ADAMTSL3: variants seen among roughly 807,000 people sequenced by gnomAD.
ADAMTSL3 encodes the protein ADAMTS-like protein 3.
Under a neutral mutation model 201.7 loss-of-function variants are expected in ADAMTSL3, and 128 were observed. That is an observed-to-expected ratio of 0.63 (90% confidence interval 0.55 to 0.73). The LOEUF (loss-of-function observed/expected upper bound fraction) is 0.73. Among genes scored for constraint, ADAMTSL3 ranks in the 30% least tolerant of loss-of-function variants. The pLI, the probability that ADAMTSL3 is intolerant of heterozygous loss-of-function variation, is 0.00. For missense variants in ADAMTSL3, 1,990 were observed against 2,119.6 expected (o/e 0.94, Z 1.20); for synonymous variants, 738 against 748.4 (o/e 0.99, Z 0.23).
At chr15:83,770,676 A>G (rs2062967650) in intron 3 of ADAMTSL3, among the ~76,000 whole-genome samples, 1 of 152,178 alleles carries the variant, frequency 6.6e-6, no homozygotes, top group Non-Finnish European at 1.5e-5. Flanking sequence ...AATCTATAAT[A>G]TTTCTAATAT....
chr15:83,802,292 T>G (rs1172210709), intron 4 of ADAMTSL3, among the ~76,000 whole-genome samples: 2 of 152,106 alleles, frequency 1.3e-5, no homozygotes, highest in Non-Finnish European at 2.9e-5. Flanking sequence ...AATGAAAACC[T>G]AAAGATGTTT....
intron 23 of ADAMTSL3, among the ~76,000 whole-genome samples, chr15:83,997,280 T>G (rs1009607242): frequency 3.3e-5 from 5 of 152,176 alleles, no homozygotes; most frequent in African/African-American, 1.2e-4. Context: ...GCTGTAATCC[T>G]TTATTGCTTA....
chr15:83,955,863 A>G (rs561044084), intron 19 of ADAMTSL3, among the ~76,000 whole-genome samples: 13 of 152,016 alleles, frequency 8.6e-5, no homozygotes, highest in African/African-American at 3.1e-4. Context: ...TTTCATTGCT[A>G]CAAGCTGTGC....
chr15:83,974,745 G>A (rs928954027), intron 20 of ADAMTSL3, among the ~76,000 whole-genome samples: 8 of 152,208 alleles, frequency 5.3e-5, no homozygotes, highest in Non-Finnish European at 7.3e-5. Context: ...AAGGATAACA[G>A]AAATATGTAG....
At chr15:83,987,667 C>G (rs2067504180) in intron 21 of ADAMTSL3, among the ~76,000 whole-genome samples, 1 of 152,120 alleles carries the variant, frequency 6.6e-6, no homozygotes, top group Admixed American at 6.5e-5. Context: ...AAGTGAACAA[C>G]ATATGCAAAA....
At chr15:83,999,622 A>G (rs540703859) in intron 23 of ADAMTSL3, among the ~76,000 whole-genome samples, 1 of 152,316 alleles carries the variant, frequency 6.6e-6, no homozygotes, top group African/African-American at 2.4e-5. Flanking sequence ...GTGCATGCAC[A>G]AACAAATGAT....
intron 26 of ADAMTSL3, among the ~76,000 whole-genome samples, chr15:84,024,547 A>G (rs1346548209): frequency 1.3e-5 from 2 of 152,232 alleles, no homozygotes; most frequent in Non-Finnish European, 2.9e-5. Flanking sequence ...CCATCCAAGT[A>G]TGTGGTTTCC....
In ADAMTSL3 at chr15:83,707,100, G is replaced by A. The variant is rs189828832; in HGVS notation, c.189+2592G>A. 3.3e-5 allele frequency among the ~76,000 whole-genome samples: 5 copies of A among 152,230 alleles called. No individual in the cohort carries two copies. The East Asian group carries it at 7.7e-4, about 24-fold the overall frequency. On this transcript the variant is annotated intron_variant, in intron 3 of 29. Transcript: ENST00000286744. ...ATGACAAAACATTAAGATCAATTAA[G>A]AACAAAGTCTCTGGAGTCAGACTGC... is the stretch of plus-strand genomic sequence containing the variant.
intron 3 of ADAMTSL3, among the ~76,000 whole-genome samples, chr15:83,748,140 T>G (rs2062578103): frequency 6.6e-6 from 1 of 152,174 alleles, no homozygotes; most frequent in Non-Finnish European, 1.5e-5. Context: ...ACATCAAAAG[T>G]ACACTGCTCC....
chr15:83,829,538 C>T (rs2064107185), intron 6 of ADAMTSL3, among the ~76,000 whole-genome samples: 1 of 152,176 alleles, frequency 6.6e-6, no homozygotes, highest in Non-Finnish European at 1.5e-5. Context: ...CAGTTCTGCT[C>T]TGATCTTAGT....
chr15:83,899,166 C>T (rs970491699), intron 14 of ADAMTSL3, among the ~76,000 whole-genome samples: 6 of 152,162 alleles, frequency 3.9e-5, no homozygotes, highest in African/African-American at 7.2e-5. Flanking sequence ...TCATCTCCCT[C>T]AACAACTACA....
intron 2 of ADAMTSL3, among the ~76,000 whole-genome samples, chr15:83,661,621 T>C (rs1475608166): frequency 1.3e-5 from 2 of 152,172 alleles, no homozygotes; most frequent in African/African-American, 2.4e-5. Flanking sequence ...GTGATTTTTG[T>C]ACATTGATTT....
intron 2 of ADAMTSL3, among the ~76,000 whole-genome samples, chr15:83,700,429 G>T (rs1180653605): frequency 6.6e-6 from 1 of 152,204 alleles, no homozygotes; most frequent in African/African-American, 2.4e-5. Context: ...AAAATAAGGA[G>T]TTTGACCTAG....
intron 13 of ADAMTSL3, among the ~76,000 whole-genome samples, chr15:83,893,396 C>T (rs1196634042): frequency 6.6e-6 from 1 of 152,058 alleles, no homozygotes; most frequent in South Asian, 2.1e-4. Context: ...CAAGAAGTGA[C>T]TCAAAGTTGA....
chr15:83,818,749 C>T (rs1036461558), intron 5 of ADAMTSL3, among the ~76,000 whole-genome samples: 5 of 151,968 alleles, frequency 3.3e-5, no homozygotes, highest in South Asian at 2.1e-4. Context: ...ATCTGGTGGG[C>T]GGAATCAGTA....
At position 83,962,402 on chromosome 15, in the gene ADAMTSL3, A is replaced by G. The variant is rs1481452762; in HGVS notation, c.2491-8082A>G. ...ACTCTCCTAAGTCAAATTGTCATTA[A>G]AAATAACTATCCAAATCTCTTGTTG... On this transcript the variant is annotated intron_variant, in intron 19 of 29. Coordinates refer to ENST00000286744, the MANE Select transcript of ADAMTSL3 (RefSeq NM_207517.3). The G allele has an allele frequency of 2.6e-5, 4 of 152,314 alleles. No individual in the cohort carries two copies. In the East Asian group the frequency reaches 5.8e-4, roughly 22 times the overall value. 9.4% of individuals were successfully genotyped at this position (152,314 alleles called of 1,614,324 possible).
intron 2 of ADAMTSL3, among the ~76,000 whole-genome samples, chr15:83,700,482 G>T (rs2064467317): frequency 6.6e-6 from 1 of 152,176 alleles, no homozygotes; most frequent in Admixed American, 6.5e-5. Context: ...TGATGATTCT[G>T]GCTGGGCGCG....
At position 84,038,087 on chromosome 15, in the gene ADAMTSL3, A is replaced by C; in HGVS notation, c.*281A>C. On this transcript the variant is annotated 3_prime_UTR_variant, in exon 30 of 30. Coordinates refer to ENST00000286744, the MANE Select transcript of ADAMTSL3 (RefSeq NM_207517.3). ...CTCATCATGTCAGTTGAATCGAGAA[A>C]TCACCAAGATTATGAGTGCATCCTC... The C allele has an allele frequency of 2.7e-6, 1 of 376,880 alleles. No homozygotes were observed. The highest frequency in any genetic ancestry group is 4.7e-6 in the Non-Finnish European group (1 of 211,406). The allele number at this position is 376,880 out of a possible 1,614,324, so 23.3% of individuals were successfully genotyped here. A position where few individuals can be genotyped will look rare whatever the true frequency, so the allele number is the denominator to read the frequency against.
At chr15:83,908,877 G>T (rs190606104) in intron 15 of ADAMTSL3, among the ~76,000 whole-genome samples, 15 of 152,296 alleles carry the variant, frequency 9.8e-5, no homozygotes, top group African/African-American at 3.6e-4. Flanking sequence ...CAAGGTGTCT[G>T]TCAGTCTGAA....
Sources: gnomAD v4.1 joint callset for allele counts (sites outside exome capture counted in the v4.1 genomes callset) on GRCh38, gnomAD v4.1.1 for gene constraint, MANE v1.5 for transcripts, NCBI Gene and HGNC (gene_info 2026-07-23, HGNC 2026-07-21) for gene names.